Variants in ALPK1 observed in about 807,000 individuals in gnomAD.
ALPK1 encodes the protein alpha kinase 1.
ALPK1 carries 110 observed loss-of-function variants against 120.6 expected under a neutral mutation model. The ratio of observed to expected loss-of-function variants is 0.91; its 90% CI spans 0.78 to 1.07. The LOEUF is 1.07. Among genes scored for constraint, ALPK1 ranks in the 50% least tolerant of loss-of-function variants. The pLI is 0.00. For missense variants in ALPK1, 1,498 were observed against 1,483.9 expected (o/e 1.01, Z -0.16); for synonymous variants, 582 against 560.3 (o/e 1.04, Z -0.55).
intron 2 of ALPK1, among the ~76,000 whole-genome samples, chr4:112,334,157 G>A (rs565158833): frequency 3.3e-5 from 5 of 152,184 alleles, no homozygotes; most frequent in Admixed American, 3.3e-4. Flanking sequence ...TCCAGGCCAG[G>A]CTCAGTGGCT....
intron 3 of ALPK1, among the ~76,000 whole-genome samples, chr4:112,381,880 C>T (rs1032738679): frequency 2.0e-5 from 3 of 152,150 alleles, no homozygotes; most frequent in African/African-American, 7.2e-5. Context: ...TTAATTTACA[C>T]CATTTCAAAT....
chr4:112,400,630 T>C (rs1407420905), intron 4 of ALPK1, among the ~76,000 whole-genome samples: 1 of 152,232 alleles, frequency 6.6e-6, no homozygotes, highest in African/African-American at 2.4e-5. Flanking sequence ...CGATATAATT[T>C]TGGAATTTGG....
chr4:112,337,848 C>T (rs955429915), intron 2 of ALPK1, among the ~76,000 whole-genome samples: 14 of 152,048 alleles, frequency 9.2e-5, no homozygotes, highest in African/African-American at 3.4e-4. Flanking sequence ...ATCTCTTAAG[C>T]CTACTATACT....
At chr4:112,338,544 A>G (rs1164965074) in intron 2 of ALPK1, among the ~76,000 whole-genome samples, 1 of 152,220 alleles carries the variant, frequency 6.6e-6, no homozygotes, top group Non-Finnish European at 1.5e-5. Context: ...GTAACGGATA[A>G]GAGGAAAAGC....
At chr4:112,339,209 C>T in intron 2 of ALPK1, among the ~76,000 whole-genome samples, 1 of 152,150 alleles carries the variant, frequency 6.6e-6, no homozygotes, top group East Asian at 1.9e-4. Flanking sequence ...TGGATCTGAG[C>T]ACAAATCCTG....
In ALPK1 at chr4:112,441,019, T is replaced by C. The variant is rs761078590; in HGVS notation, c.3641T>C (p.Ile1214Thr). The part of the protein sequence containing the change: ...VFTTNFGKRG[I>T]FYFFNNQHVE... ...ACTACCAATTTTGGAAAGAGAGGAA[T>C]TTTTTACTTCTTTAATAACCAGCAT... The change falls in exon 15 of 16, where the codon ATT (isoleucine) becomes ACT (threonine). Residue 1214 changes from isoleucine (I) to threonine (T), a missense_variant. By Grantham distance (89) the Ile-to-Thr change is moderately conservative. Transcript: ENST00000650871. 1 of 1,614,024 alleles carries C rather than the reference T, an allele frequency of 6.2e-7. No individual in the cohort carries two copies. The highest frequency in any genetic ancestry group is 1.1e-5 in the South Asian group (1 of 91,078).
At chr4:112,432,694 A>G (rs1734627533) in intron 11 of ALPK1, 113 bp downstream of exon 11, 2 of 965,978 alleles carry the variant, frequency 2.1e-6, no homozygotes, top group Middle Eastern at 5.0e-4. Context: ...GAACCCTGGT[A>G]TGCTTTGTGA....
intron 2 of ALPK1, among the ~76,000 whole-genome samples, chr4:112,375,185 T>C (rs1394181181): frequency 5.3e-5 from 8 of 150,110 alleles, no homozygotes; most frequent in Non-Finnish European, 5.9e-5. Context: ...TTTTTCTTTT[T>C]TTTTTTTTTT....
At chr4:112,359,488 A>G in intron 2 of ALPK1, 1 of 269,022 alleles carries the variant, frequency 3.7e-6, no homozygotes, top group Non-Finnish European at 7.3e-6. Context: ...ACATGCACAG[A>G]CCTGGCCAGC....
intron 2 of ALPK1, among the ~76,000 whole-genome samples, chr4:112,323,164 C>G (rs187180501): frequency 6.6e-6 from 1 of 152,354 alleles, no homozygotes; most frequent in Admixed American, 6.5e-5. Context: ...CTACCCCTTT[C>G]ACTTCCACTG....
intron 2 of ALPK1, among the ~76,000 whole-genome samples, chr4:112,320,038 T>C (rs1174331607): frequency 6.6e-6 from 1 of 152,244 alleles, no homozygotes; most frequent in Non-Finnish European, 1.5e-5. Context: ...CCTTTATTTC[T>C]TTCTCTTATC....
At chr4:112,338,361 A>G (rs1440088252) in intron 2 of ALPK1, among the ~76,000 whole-genome samples, 4 of 152,228 alleles carry the variant, frequency 2.6e-5, no homozygotes, top group African/African-American at 9.6e-5. Flanking sequence ...AAATCTACCC[A>G]AAAAGCATAG....
chr4:112,440,280 G>A lies in ALPK1; in HGVS notation c.3538+408G>A, dbSNP rs116007969. ...AGTGTGATGTTGGGTTTCATAATGG[G>A]GGTCATTATAGAACAGAAATCTGTA... is the stretch of plus-strand genomic sequence containing the variant. On this transcript the variant is annotated intron_variant, in intron 14 of 15. Coordinates refer to ENST00000650871, the MANE Select transcript of ALPK1 (RefSeq NM_025144.4). Among the ~76,000 whole-genome samples, 944 of 152,050 alleles carry A rather than the reference G, an allele frequency of 6.2e-3. 20 individuals carry two copies. In the East Asian group the frequency reaches 0.07, roughly 11 times the overall value.
At chr4:112,301,140 G>A (rs1385190861) in intron 1 of ALPK1, among the ~76,000 whole-genome samples, 2 of 152,010 alleles carry the variant, frequency 1.3e-5, no homozygotes, top group Non-Finnish European at 2.9e-5. Flanking sequence ...TGGTCAGCCC[G>A]TCATCATTTT....
chr4:112,334,432 C>CAAAA (rs34230609), intron 2 of ALPK1, among the ~76,000 whole-genome samples: 2 of 120,824 alleles, frequency 1.7e-5, no homozygotes, highest in African/African-American at 3.2e-5. Context: ...GACTCTGCCT[C>CAAAA]AAAAAAAAAA....
intron 4 of ALPK1, among the ~76,000 whole-genome samples, chr4:112,401,801 C>T (rs1732925580): frequency 6.6e-6 from 1 of 152,102 alleles, no homozygotes; most frequent in Non-Finnish European, 1.5e-5. Context: ...CGAGATAATC[C>T]AAAATATTAT....
At chr4:112,377,651 C>A in intron 2 of ALPK1, 27 bp from the exon 3 acceptor site, 3 of 900,040 alleles carry the variant, frequency 3.3e-6, no homozygotes, top group Non-Finnish European at 4.8e-6. Context: ...TTCAGTTAAT[C>A]ATCTTTCCCT....
intron 2 of ALPK1, chr4:112,356,872 C>T: frequency 1.3e-6 from 1 of 742,132 alleles, no homozygotes; most frequent in Non-Finnish European, 2.5e-6. Context: ...CGGTCGTGAT[C>T]TTTGATGAAA....
intron 5 of ALPK1, among the ~76,000 whole-genome samples, chr4:112,416,404 A>G (rs6816205): frequency 0.13 from 19,486 of 152,178 alleles, 1,476 homozygotes; most frequent in African/African-American, 0.21. Flanking sequence ...CTGTATTTAA[A>G]AAAAATGTTG....
Sources: allele counts gnomAD v4.1 joint callset (sites outside exome capture counted in the v4.1 genomes callset), GRCh38; gene constraint gnomAD v4.1.1; transcripts MANE v1.5; gene names NCBI Gene and HGNC (gene_info 2026-07-23, HGNC 2026-07-21).